Variants in ATOSA observed in about 807,000 individuals in gnomAD.
ATOSA encodes the protein atos homolog A, also known as atos homolog protein A.
chr15:52,604,221 A>G, the ATOSA span, among the ~76,000 whole-genome samples: 1 of 152,230 alleles, frequency 6.6e-6, no homozygotes, highest in Admixed American at 6.5e-5. Context: ...AGAGATCGAG[A>G]ACATCCTGGC....
At chr15:52,592,338 C>A in the ATOSA span, among the ~76,000 whole-genome samples, 1 of 152,104 alleles carries the variant, frequency 6.6e-6, no homozygotes. Context: ...AATGAAAACC[C>A]AGATTTGACT....
chr15:52,665,391 G>C, the ATOSA span, among the ~76,000 whole-genome samples: 1 of 152,206 alleles, frequency 6.6e-6, no homozygotes, highest in Non-Finnish European at 1.5e-5. Context: ...AAATCAGATA[G>C]TAATTAGTCA....
chr15:52,677,402 T>C, the ATOSA span, among the ~76,000 whole-genome samples: 2 of 152,186 alleles, frequency 1.3e-5, no homozygotes, highest in African/African-American at 2.4e-5. Flanking sequence ...AAAAGCAGTG[T>C]ATATATTATT....
chr15:52,702,062 G>T, the ATOSA span, among the ~76,000 whole-genome samples: 2 of 152,122 alleles, frequency 1.3e-5, no homozygotes, highest in East Asian at 3.8e-4. Context: ...ACAAGATTTT[G>T]TATGGGATAC....
chr15:52,696,440 G>T, the ATOSA span, among the ~76,000 whole-genome samples: 1 of 152,076 alleles, frequency 6.6e-6, no homozygotes, highest in African/African-American at 2.4e-5. Context: ...CCTTCTTCCA[G>T]TCTATCCTAT....
chr15:52,587,522 T>C, the ATOSA span: 3 of 200,230 alleles, frequency 1.5e-5, no homozygotes, highest in Non-Finnish European at 3.0e-5. Context: ...AGGAAGGTAA[T>C]AGGACCCTTC....
At chr15:52,662,749 G>T in the ATOSA span, among the ~76,000 whole-genome samples, 1 of 136,972 alleles carries the variant, frequency 7.3e-6, no homozygotes, top group East Asian at 2.1e-4. Flanking sequence ...CAGCCTGAGC[G>T]ACAGAGCAAG....
the ATOSA span, chr15:52,655,961 C>T: frequency 6.6e-6 from 1 of 152,096 alleles, no homozygotes; most frequent in Non-Finnish European, 1.5e-5. Flanking sequence ...GAAGTTTCCT[C>T]TTTCCCTTTG....
At chr15:52,650,842 C>T in the ATOSA span, among the ~76,000 whole-genome samples, 3 of 152,118 alleles carry the variant, frequency 2.0e-5, no homozygotes, top group African/African-American at 7.2e-5. Context: ...ACGGATCCTT[C>T]GTAAAATGGG....
the ATOSA span, among the ~76,000 whole-genome samples, chr15:52,653,858 T>G: frequency 0.13 from 19,937 of 152,206 alleles, 2,565 homozygotes; most frequent in African/African-American, 0.33. Flanking sequence ...ATGCCCCATT[T>G]ATATTTTTAT....
the ATOSA span, among the ~76,000 whole-genome samples, chr15:52,659,824 T>C: frequency 6.6e-6 from 1 of 151,954 alleles, no homozygotes; most frequent in Non-Finnish European, 1.5e-5. Context: ...TTGGCCAACA[T>C]AGCAAGACCT....
At chr15:52,709,442 T>C in the ATOSA span, among the ~76,000 whole-genome samples, 10 of 152,262 alleles carry the variant, frequency 6.6e-5, no homozygotes, top group East Asian at 1.2e-3. Flanking sequence ...AATTCTACCA[T>C]CTCTCTTAAA....
the ATOSA span, among the ~76,000 whole-genome samples, chr15:52,638,839 T>A: frequency 6.6e-6 from 1 of 152,040 alleles, no homozygotes; most frequent in Non-Finnish European, 1.5e-5. Context: ...AAACAAACCT[T>A]ATTACTAATT....
At chr15:52,708,952 C>A in the ATOSA span, among the ~76,000 whole-genome samples, 2 of 152,048 alleles carry the variant, frequency 1.3e-5, no homozygotes, top group Non-Finnish European at 2.9e-5. Flanking sequence ...CTCCAGAGCC[C>A]AGTCAGGTAA....
the ATOSA span, chr15:52,609,551 C>G: frequency 6.2e-7 from 1 of 1,613,660 alleles, no homozygotes; most frequent in Non-Finnish European, 8.5e-7. Context: ...ATACAAGTTT[C>G]ACTTCGAGGA....
chr15:52,624,589 A>G, the ATOSA span, among the ~76,000 whole-genome samples: 7 of 152,222 alleles, frequency 4.6e-5, no homozygotes, highest in African/African-American at 1.7e-4. Flanking sequence ...GATCAATGCA[A>G]ATGAACCACC....
At chr15:52,659,612 C>A in the ATOSA span, among the ~76,000 whole-genome samples, 1 of 152,112 alleles carries the variant, frequency 6.6e-6, no homozygotes, top group African/African-American at 2.4e-5. Context: ...ATATTAGATG[C>A]AATATCCTAC....
At chr15:52,622,504 C>CT in the ATOSA span, among the ~76,000 whole-genome samples, 8 of 152,112 alleles carry the variant, frequency 5.3e-5, no homozygotes, top group African/African-American at 1.9e-4. Context: ...GACACTGGGG[C>CT]TTGGAGCTTA....
chr15:52,619,826 T>TA, the ATOSA span, among the ~76,000 whole-genome samples: 14 of 116,608 alleles, frequency 1.2e-4, no homozygotes, highest in East Asian at 1.3e-3. Flanking sequence ...GAGACTGTCT[T>TA]AAAAAAAAAA....
Sources: gnomAD v4.1 joint callset for allele counts (sites outside exome capture counted in the v4.1 genomes callset) on GRCh38, gnomAD v4.1.1 for gene constraint, MANE v1.5 for transcripts, NCBI Gene and HGNC (gene_info 2026-07-23, HGNC 2026-07-21) for gene names.